ADGRG6: variants seen among roughly 807,000 people sequenced by gnomAD.
ADGRG6 encodes the protein G-protein coupled receptor 126.
A neutral mutation model predicts 142.4 loss-of-function variants in ADGRG6; 84 were observed. That is an observed-to-expected ratio of 0.59 (90% CI 0.49 to 0.71). The LOEUF (loss-of-function observed/expected upper bound fraction) is 0.71. Ranked by LOEUF, ADGRG6 falls within the 30% of genes least tolerant of loss-of-function variation. The probability of loss-of-function intolerance (pLI) is 0.00; values close to 1 mark genes in which losing one functional copy is unlikely to be tolerated. For synonymous variants in ADGRG6, 521 were observed against 520.5 expected, an observed-to-expected ratio of 1.00 and a Z score of -0.01; for missense variants, 1,367 against 1,466.6, an observed-to-expected ratio of 0.93 and a Z score of 1.11.
chr6:142,397,855 T>G (rs1775283279), intron 10 of ADGRG6, 100 bp downstream of exon 10: 1 of 724,950 alleles, frequency 1.4e-6, no homozygotes, highest in Non-Finnish European at 2.1e-6. Context: ...TATTTGTTTA[T>G]GTAAGTTTTT....
At chr6:142,317,994 T>C (rs1260561945) in intron 2 of ADGRG6, among the ~76,000 whole-genome samples, 1 of 53,204 alleles carries the variant, frequency 1.9e-5, no homozygotes, top group Non-Finnish European at 3.1e-5. Flanking sequence ...TACATATTTA[T>C]ATATTATATA....
intron 10 of ADGRG6, among the ~76,000 whole-genome samples, chr6:142,399,882 T>C (rs758326061): frequency 6.6e-6 from 1 of 152,192 alleles, no homozygotes; most frequent in Admixed American, 6.5e-5. Context: ...ATCTGAATCA[T>C]TGATGTCATG....
In ADGRG6 at chr6:142,419,990, A is replaced by G; in HGVS notation, c.3205A>G (p.Ser1069Gly). The G allele has an allele frequency of 6.2e-7, 1 of 1,613,542 alleles. No individual in the cohort carries two copies. ...AGAAGAAGTGTTAAGGAACCTGCGC[A>G]GTGTGGTTAGCTTGACCTTTCTGTT... ...LREEVLRNLRSVVSLTFLLGM... is the reference protein window; with the variant it reads ...LREEVLRNLRGVVSLTFLLGM... The change falls in exon 22 of 25, where the codon AGT becomes GGT. Residue 1069 changes from serine to glycine, a missense_variant. Physicochemically the swap from Ser to Gly is moderately conservative, Grantham distance 56. Transcript: ENST00000367609.
chr6:142,377,962 T>C (rs1011036029), intron 4 of ADGRG6, among the ~76,000 whole-genome samples: 1 of 152,214 alleles, frequency 6.6e-6, no homozygotes, highest in African/African-American at 2.4e-5. Flanking sequence ...TATTGGATCA[T>C]ATTAAAATAG....
chr6:142,437,438 A>G lies in ADGRG6; in HGVS notation c.3324A>G (p.Leu1108=). 6.9e-7 allele frequency: 1 copy of G among 1,459,140 alleles called. No individual in the cohort carries two copies. The highest frequency in any genetic ancestry group is 9.6e-7 in the Non-Finnish European group (1 of 1,041,534). 90.4% of individuals were successfully genotyped at this position (1,459,140 alleles called of 1,614,324 possible). ...TTATATTTTCTTTTGTCACAGGCTT[A>G]TTTATATTCATCTTCCACTGTGCTA... ...LFSIFNSLQG[L]FIFIFHCAMK... The change falls in exon 23 of 25, where the codon TTA becomes TTG. Residue 1108 remains leucine (L), a synonymous_variant. Transcript: ENST00000367609.
At chr6:142,340,423 C>G (rs995804307) in intron 2 of ADGRG6, among the ~76,000 whole-genome samples, 1 of 151,992 alleles carries the variant, frequency 6.6e-6, no homozygotes, top group Non-Finnish European at 1.5e-5. Context: ...GTGAATTTAG[C>G]TCACTATATA....
chr6:142,367,600 G>T lies in ADGRG6; in HGVS notation c.135G>T (p.Leu45Phe). 2.5e-6 allele frequency: 4 copies of T among 1,613,598 alleles called. No individual in the cohort carries two copies. Among genetic ancestry groups the T allele is most frequent in the Non-Finnish European group, 3.4e-6 (4 of 1,179,754 alleles). Reference sequence around the variant, plus strand: ...GATGTGCCAACTGCCGAGTGGTTTTGTCCAACCCTTCTGGGACCTTTACTT... The same window carrying T: ...GATGTGCCAACTGCCGAGTGGTTTTTTCCAACCCTTCTGGGACCTTTACTT... ...VWGCANCRVV[L>F]SNPSGTFTSP... The change falls in exon 3 of 25, where the codon TTG becomes TTT. Residue 45 changes from leucine to phenylalanine, a missense_variant. By Grantham distance (22) the Leu-to-Phe change is conservative. Around this residue, in one of 3 missense-constraint regions of ADGRG6, gnomAD observed 737 missense variants for 746.5 expected, o/e 0.99. Coordinates refer to ENST00000367609, the MANE Select transcript of ADGRG6 (RefSeq NM_198569.3).
At chr6:142,338,982 T>C in intron 2 of ADGRG6, among the ~76,000 whole-genome samples, 1 of 152,194 alleles carries the variant, frequency 6.6e-6, no homozygotes, top group East Asian at 1.9e-4. Flanking sequence ...TTGGATGTGA[T>C]TATGCTGTAT....
rs549097524 is a variant in ADGRG6, at chr6:142,359,918, T to C, written c.104-7651T>C. 2.0e-5 allele frequency among the ~76,000 whole-genome samples: 3 copies of C among 152,302 alleles called. 1 individual carries two copies. Among genetic ancestry groups the C allele is most frequent in the East Asian group, 3.9e-4 (2 of 5,174 alleles). ...ACTTACCTTCATACTAGGATATTGA[T>C]AGATCTTTCTGGTAGTGATGTGGAA... On this transcript the variant is annotated intron_variant, in intron 2 of 24. Coordinates refer to ENST00000367609, the MANE Select transcript of ADGRG6 (RefSeq NM_198569.3).
In ADGRG6 at chr6:142,445,134, T is replaced by C. The variant is rs994930958; in HGVS notation, c.*1619T>C. The C allele has an allele frequency of 2.0e-5, 3 of 152,096 alleles. No homozygotes were observed. The highest frequency in any genetic ancestry group is 4.4e-5 in the Non-Finnish European group (3 of 68,046). 9.4% of individuals were successfully genotyped at this position (152,096 alleles called of 1,614,324 possible). Reference sequence around the variant, plus strand: ...CTGGCTCCAGCAGATGATGAGATAATGAGGTAGTGGGTTTTTTATTACTGT... The same window carrying C: ...CTGGCTCCAGCAGATGATGAGATAACGAGGTAGTGGGTTTTTTATTACTGT... On this transcript the variant is annotated 3_prime_UTR_variant, in exon 25 of 25. Coordinates refer to ENST00000367609, the MANE Select transcript of ADGRG6 (RefSeq NM_198569.3).
chr6:142,434,175 TAAATA>T (rs1015570800), intron 22 of ADGRG6, among the ~76,000 whole-genome samples: 1 of 150,338 alleles, frequency 6.7e-6, no homozygotes, highest in Non-Finnish European at 1.5e-5. Context: ...AATTATATAA[TAAATA>T]AAATCATATT....
At chr6:142,406,009 TAAC>T (rs146975218) in intron 15 of ADGRG6, among the ~76,000 whole-genome samples, 181 bp downstream of exon 15, 1,750 of 152,286 alleles carry the variant, frequency 0.011, 36 homozygotes, top group African/African-American at 0.04. Context: ...ATATGCTAAT[TAAC>T]AAGTTGTATG....
chr6:142,317,180 C>CT (rs1196594461), intron 2 of ADGRG6, among the ~76,000 whole-genome samples: 2 of 152,098 alleles, frequency 1.3e-5, no homozygotes, highest in Non-Finnish European at 2.9e-5. Context: ...GGTTAGGACT[C>CT]TTATTACTTC....
chr6:142,410,067 G>T, intron 17 of ADGRG6, 148 bp downstream of exon 17: 1 of 424,184 alleles, frequency 2.4e-6, no homozygotes, highest in South Asian at 8.7e-5. Context: ...AGTTAGTTTA[G>T]GTAGCTTGGG....
At chr6:142,309,218 A>C (rs894582819) in intron 1 of ADGRG6, among the ~76,000 whole-genome samples, 14 of 151,886 alleles carry the variant, frequency 9.2e-5, no homozygotes, top group Non-Finnish European at 1.5e-5. Flanking sequence ...GTGAGGCTGA[A>C]GCTAACATTG....
chr6:142,303,584 A>T (rs1288189731), intron 1 of ADGRG6, among the ~76,000 whole-genome samples: 1 of 152,198 alleles, frequency 6.6e-6, no homozygotes, highest in Admixed American at 6.5e-5. Flanking sequence ...CAACTTGAAA[A>T]AATTTATTTT....
chr6:142,363,048 A>T (rs894058915), intron 2 of ADGRG6, among the ~76,000 whole-genome samples: 1 of 152,216 alleles, frequency 6.6e-6, no homozygotes. Flanking sequence ...ATTTTCACTG[A>T]CCAGGTTTTT....
intron 8 of ADGRG6, among the ~76,000 whole-genome samples, chr6:142,393,256 TA>T (rs1206145695): frequency 1.3e-5 from 2 of 152,020 alleles, no homozygotes; most frequent in African/African-American, 4.8e-5. Context: ...TGTCAAAAAT[TA>T]AAATCGGATA....
At position 142,314,516 on chromosome 6, in the gene ADGRG6, A is replaced by T. The variant is rs139530302; in HGVS notation, c.103+4872A>T. On this transcript the variant is annotated intron_variant, in intron 2 of 24. Coordinates refer to ENST00000367609, the MANE Select transcript of ADGRG6 (RefSeq NM_198569.3). ...AGGAATTTTTGGAGCAGTCCCTGTC[A>T]ATACTGGGTGAGTGAAACCTCTTTA... Among the ~76,000 whole-genome samples, 50 of 152,318 alleles carry T rather than the reference A, an allele frequency of 3.3e-4. 1 individual carries two copies. In the East Asian group the frequency reaches 9.3e-3, roughly 28 times the overall value.
Sources: gnomAD v4.1 joint callset for allele counts (sites outside exome capture counted in the v4.1 genomes callset) on GRCh38, gnomAD v4.1.1 for gene constraint, gnomAD v4.1.1 regional missense constraint, MANE v1.5 for transcripts, NCBI Gene and HGNC (gene_info 2026-07-23, HGNC 2026-07-21) for gene names.